Variants in BMPR1B observed in about 807,000 individuals in gnomAD.
BMPR1B encodes the protein bone morphogenetic protein receptor type-1B.
BMPR1B carries 12 observed loss-of-function variants against 59.1 expected under a neutral mutation model. The ratio of observed to expected loss-of-function variants is 0.20; its 90% CI spans 0.13 to 0.33. The LOEUF (loss-of-function observed/expected upper bound fraction) is 0.33. Among genes scored for constraint, BMPR1B ranks in the 10% least tolerant of loss-of-function variants. BMPR1B has a pLI of 1.00. For missense variants in BMPR1B, 550 were observed against 610.9 expected (o/e 0.90, Z 1.05); for synonymous variants, 237 against 207.3 (o/e 1.14, Z -1.23).
intron 1 of BMPR1B, among the ~76,000 whole-genome samples, chr4:94,815,990 C>G (rs1723995701): frequency 6.6e-6 from 1 of 152,096 alleles, no homozygotes; most frequent in Non-Finnish European, 1.5e-5. Flanking sequence ...AGACTGTAGT[C>G]TATGTGATGT....
chr4:94,900,135 G>A (rs952225765), intron 2 of BMPR1B, among the ~76,000 whole-genome samples: 1 of 150,356 alleles, frequency 6.7e-6, no homozygotes, highest in Admixed American at 6.6e-5. Context: ...TTTTTAATTT[G>A]GAAACCTGTA....
intron 2 of BMPR1B, among the ~76,000 whole-genome samples, chr4:94,942,210 G>T (rs571080242): frequency 5.3e-5 from 8 of 152,120 alleles, no homozygotes; most frequent in Non-Finnish European, 8.8e-5. Context: ...AATTTTATTT[G>T]CCCTGCTGCA....
chr4:94,932,077 G>T (rs11097448), intron 2 of BMPR1B, among the ~76,000 whole-genome samples: 19,809 of 152,154 alleles, frequency 0.13, 1,445 homozygotes, highest in African/African-American at 0.19. Context: ...TTGGCCAAAG[G>T]CTGTTCCAAA....
rs575100886 is a variant in BMPR1B, at chr4:95,084,349, G to A, written c.-17-20059G>A. ...TGTGTATGTATATGTATGTGTAGGT[G>A]TGTGTGTATATATATGTGTATTGTG... On this transcript the variant is annotated intron_variant, in intron 3 of 12. Transcript: ENST00000515059. Among the ~76,000 whole-genome samples, 489 of 91,504 alleles carry A rather than the reference G, an allele frequency of 5.3e-3. 1 individual carries two copies. The highest frequency in any genetic ancestry group is 0.017 in the African/African-American group (453 of 26,050). 60.0% of individuals were successfully genotyped at this position (91,504 alleles called of 152,430 possible). A position where few individuals can be genotyped will look rare whatever the true frequency, so the allele number is the denominator to read the frequency against.
At chr4:95,128,117 C>G (rs1733037805) in intron 8 of BMPR1B, among the ~76,000 whole-genome samples, 1 of 152,016 alleles carries the variant, frequency 6.6e-6, no homozygotes, top group African/African-American at 2.4e-5. Context: ...AACTCCTGGA[C>G]TCAAGGGATC....
intron 3 of BMPR1B, among the ~76,000 whole-genome samples, chr4:95,079,268 G>A (rs1728936169): frequency 2.6e-5 from 4 of 152,116 alleles, no homozygotes; most frequent in Admixed American, 1.3e-4. Context: ...TGTCTTAATA[G>A]GTGATCCATG....
Position 94,854,101 on chromosome 4 carries a change from T to A in BMPR1B, c.-182-21730T>A, listed in dbSNP as rs10029909. On this transcript the variant is annotated intron_variant, in intron 1 of 12. Transcript: ENST00000515059. Reference sequence around the variant, plus strand: ...GCATTTCCCCTGGGCTATCTTCATATATTTGAGGACTACTGTGAAGCTCTC... The same window carrying A: ...GCATTTCCCCTGGGCTATCTTCATAAATTTGAGGACTACTGTGAAGCTCTC... Among the ~76,000 whole-genome samples, 1,134 of 142,692 alleles carry A rather than the reference T, an allele frequency of 7.9e-3. 17 individuals carry two copies. The highest frequency in any genetic ancestry group is 0.029 in the African/African-American group (1,086 of 36,856). The allele number at this position is 142,692 out of a possible 152,430, so 93.6% of individuals were successfully genotyped here. A position where few individuals can be genotyped will look rare whatever the true frequency, so the allele number is the denominator to read the frequency against.
intron 10 of BMPR1B, among the ~76,000 whole-genome samples, chr4:95,143,167 G>A (rs1241291911): frequency 6.6e-6 from 1 of 152,190 alleles, no homozygotes; most frequent in Non-Finnish European, 1.5e-5. Flanking sequence ...AACACCTGCA[G>A]TGCACACACG....
intron 2 of BMPR1B, among the ~76,000 whole-genome samples, chr4:94,901,373 C>T: frequency 1.3e-5 from 2 of 151,866 alleles, no homozygotes; most frequent in East Asian, 3.9e-4. Context: ...AGATCTCAGT[C>T]AGAATAAGAC....
At chr4:94,991,151 G>A (rs972780886) in intron 2 of BMPR1B, among the ~76,000 whole-genome samples, 6 of 151,920 alleles carry the variant, frequency 3.9e-5, no homozygotes, top group African/African-American at 1.2e-4. Flanking sequence ...CCTTGACTCT[G>A]TCCTCATTCA....
At chr4:94,969,690 A>C (rs970690835) in intron 2 of BMPR1B, among the ~76,000 whole-genome samples, 1 of 152,160 alleles carries the variant, frequency 6.6e-6, no homozygotes, top group Non-Finnish European at 1.5e-5. Flanking sequence ...TAATACATAC[A>C]TATTTCACTT....
intron 3 of BMPR1B, among the ~76,000 whole-genome samples, chr4:95,038,144 T>G (rs1578972004): frequency 6.6e-6 from 1 of 152,122 alleles, no homozygotes; most frequent in Non-Finnish European, 1.5e-5. Context: ...TGGAGGGACC[T>G]TTTAGATATT....
intron 10 of BMPR1B, among the ~76,000 whole-genome samples, chr4:95,141,257 C>CT (rs200927390): frequency 8.5e-5 from 13 of 152,142 alleles, no homozygotes; most frequent in South Asian, 2.1e-4. Flanking sequence ...AGTTTCTACT[C>CT]TTTTTTTTCC....
chr4:95,100,336 T>C (rs1229647272), intron 3 of BMPR1B, among the ~76,000 whole-genome samples: 1 of 152,182 alleles, frequency 6.6e-6, no homozygotes, highest in Non-Finnish European at 1.5e-5. Context: ...CAGGTATTTA[T>C]TTCTGATTTG....
chr4:94,759,118 C>G (rs1055031061), intron 1 of BMPR1B, among the ~76,000 whole-genome samples: 2 of 152,152 alleles, frequency 1.3e-5, no homozygotes, highest in African/African-American at 4.8e-5. Context: ...AGAGCTGCAC[C>G]CCTCCAGCTG....
intron 3 of BMPR1B, among the ~76,000 whole-genome samples, chr4:95,097,782 C>G (rs1224623973): frequency 6.6e-6 from 1 of 152,164 alleles, no homozygotes; most frequent in Non-Finnish European, 1.5e-5. Context: ...ATGATCCGAC[C>G]TCCTCAACCT....
At chr4:94,793,359 A>G (rs1723057597) in intron 1 of BMPR1B, among the ~76,000 whole-genome samples, 2 of 151,514 alleles carry the variant, frequency 1.3e-5, no homozygotes, top group African/African-American at 2.4e-5. Context: ...ATCATTTTTT[A>G]TGGCTGCATA....
chr4:95,027,621 T>A (rs2149148487), intron 3 of BMPR1B, among the ~76,000 whole-genome samples: 1 of 152,316 alleles, frequency 6.6e-6, no homozygotes, highest in African/African-American at 2.4e-5. Context: ...TTCAAGGTAC[T>A]TTCCACATAG....
intron 10 of BMPR1B, among the ~76,000 whole-genome samples, chr4:95,139,905 C>T (rs1734096056): frequency 6.6e-6 from 1 of 152,186 alleles, no homozygotes; most frequent in Non-Finnish European, 1.5e-5. Context: ...TATGCCCCAC[C>T]CTGCTTCGGC....
Sources: gnomAD v4.1 joint callset for allele counts (sites outside exome capture counted in the v4.1 genomes callset) on GRCh38, gnomAD v4.1.1 for gene constraint, MANE v1.5 for transcripts, NCBI Gene and HGNC (gene_info 2026-07-23, HGNC 2026-07-21) for gene names.